Variants in MRTFB observed in about 807,000 individuals in gnomAD.
The protein encoded by MRTFB is myocardin related transcription factor B.
Under a neutral mutation model 104.2 loss-of-function variants are expected in MRTFB, and 29 were observed. That is an observed-to-expected ratio of 0.28 (90% CI 0.21 to 0.38). The LOEUF (loss-of-function observed/expected upper bound fraction) is 0.38, where lower values mean the gene tolerates loss of function less well. Among genes scored for constraint, MRTFB ranks in the 10% least tolerant of loss-of-function variants. MRTFB has a pLI of 1.00. For synonymous variants in MRTFB, 535 were observed against 519.5 expected, an observed-to-expected ratio of 1.03 and a Z score of -0.41; for missense variants, 1,270 against 1,341.6, an observed-to-expected ratio of 0.95 and a Z score of 0.83.
chr16:14,022,702 T>A, the MRTFB span, among the ~76,000 whole-genome samples: 1 of 151,986 alleles, frequency 6.6e-6, no homozygotes, highest in Non-Finnish European at 1.5e-5. Flanking sequence ...TAAAAAACAT[T>A]TCGTCAGTTC....
intron 2 of MRTFB, among the ~76,000 whole-genome samples, chr16:14,111,498 G>A (rs2036265731): frequency 6.6e-6 from 1 of 152,224 alleles, no homozygotes; most frequent in South Asian, 2.1e-4. Context: ...CAGAAACATT[G>A]AGAATCCAGT....
intron 3 of MRTFB, among the ~76,000 whole-genome samples, chr16:14,162,110 G>T (rs1486572490): frequency 1.5e-5 from 2 of 130,118 alleles, no homozygotes; most frequent in East Asian, 5.1e-4. Flanking sequence ...GAGCCCAGAA[G>T]TTCAAGACCA....
At chr16:14,060,748 A>G in the MRTFB span, among the ~76,000 whole-genome samples, 4 of 152,136 alleles carry the variant, frequency 2.6e-5, no homozygotes, top group Non-Finnish European at 5.9e-5. Flanking sequence ...GAAACACAGC[A>G]GAAATATGTT....
At chr16:14,230,348 C>T (rs1490590041) in intron 8 of MRTFB, among the ~76,000 whole-genome samples, 5 of 152,084 alleles carry the variant, frequency 3.3e-5, no homozygotes, top group Non-Finnish European at 7.4e-5. Context: ...AACAGGCAAC[C>T]TACAAAATGG....
At position 14,183,476 on chromosome 16, in the gene MRTFB, A is replaced by AT. The variant is rs554286956; in HGVS notation, c.155-26766dup. On this transcript the variant is annotated intron_variant, in intron 3 of 16. Transcript: ENST00000571589. ...CAATTGGTGGAACTTGAATGCAGAT[A>AT]TATCAATGTTAACTTGTTTCCTCTT... Among the ~76,000 whole-genome samples, 380 of 152,268 alleles carry AT rather than the reference A, an allele frequency of 2.5e-3. 1 individual carries two copies. Among genetic ancestry groups the AT allele is most frequent in the African/African-American group, 8.7e-3 (362 of 41,562 alleles).
the MRTFB span, among the ~76,000 whole-genome samples, chr16:14,016,421 C>A: frequency 7.2e-4 from 109 of 151,684 alleles, no homozygotes; most frequent in Non-Finnish European, 1.3e-3. Flanking sequence ...AGTAGATAAC[C>A]CTCCATCAGT....
chr16:14,170,619 A>C (rs1268624986), intron 3 of MRTFB: 1 of 152,320 alleles, frequency 6.6e-6, no homozygotes, highest in African/African-American at 2.4e-5. Flanking sequence ...GCTGGTGTGA[A>C]TACCATTGCA....
chr16:14,248,746 C>T (rs1022797100), intron 12 of MRTFB, 180 bp from the exon 13 acceptor site: 2 of 576,748 alleles, frequency 3.5e-6, no homozygotes, highest in Non-Finnish European at 3.0e-6. Context: ...CTGATGTTTC[C>T]CTCTCTGGTT....
At chr16:13,996,493 T>A in the MRTFB span, among the ~76,000 whole-genome samples, 5 of 152,186 alleles carry the variant, frequency 3.3e-5, no homozygotes, top group Non-Finnish European at 7.3e-5. Context: ...CTTTCTTCCA[T>A]TCATCCATTC....
the MRTFB span, among the ~76,000 whole-genome samples, chr16:14,037,587 G>A: frequency 2.6e-5 from 4 of 152,294 alleles, no homozygotes; most frequent in East Asian, 1.9e-4. Context: ...CACTGCCTCC[G>A]TATTGGGTGC....
the MRTFB span, among the ~76,000 whole-genome samples, chr16:14,012,224 C>T: frequency 2.2e-5 from 3 of 134,210 alleles, no homozygotes; most frequent in African/African-American, 6.4e-5. Flanking sequence ...TTTTCTTTTT[C>T]TTTTTTTTCT....
chr16:14,106,151 C>T (rs1231612652), intron 2 of MRTFB, among the ~76,000 whole-genome samples: 9 of 152,176 alleles, frequency 5.9e-5, no homozygotes, highest in Non-Finnish European at 1.5e-5. Flanking sequence ...AGGCAAGGTT[C>T]TCAACCCCAT....
the MRTFB span, among the ~76,000 whole-genome samples, chr16:14,062,061 A>C: frequency 6.6e-6 from 1 of 151,602 alleles, no homozygotes; most frequent in Non-Finnish European, 1.5e-5. Context: ...TGGTGATGTC[A>C]TCAAGGACCC....
chr16:14,159,467 T>G (rs72785408), intron 3 of MRTFB, among the ~76,000 whole-genome samples: 8,922 of 152,272 alleles, frequency 0.059, 521 homozygotes, highest in East Asian at 0.3. Flanking sequence ...TTATGGGAAT[T>G]TATATCATTT....
At chr16:14,175,505 AGAT>A (rs952382389) in intron 3 of MRTFB, among the ~76,000 whole-genome samples, 3 of 152,238 alleles carry the variant, frequency 2.0e-5, no homozygotes, top group African/African-American at 7.2e-5. Flanking sequence ...CATTATGGGC[AGAT>A]GATTGCAGTT....
chr16:14,054,382 A>G, the MRTFB span, among the ~76,000 whole-genome samples: 3 of 151,954 alleles, frequency 2.0e-5, no homozygotes, highest in Non-Finnish European at 2.9e-5. Context: ...ACGTCTGGCT[A>G]ATTTTTGTAA....
chr16:14,143,526 T>TA (rs1555489597), intron 3 of MRTFB: 3 of 149,418 alleles, frequency 2.0e-5, no homozygotes, highest in East Asian at 3.9e-4. Flanking sequence ...TTTTTTTTTT[T>TA]ATACTTTAAG....
chr16:14,027,156 T>C, the MRTFB span, among the ~76,000 whole-genome samples: 1 of 152,134 alleles, frequency 6.6e-6, no homozygotes, highest in Admixed American at 6.5e-5. Flanking sequence ...ACAACCCAAA[T>C]TTCCATCAAC....
intron 2 of MRTFB, among the ~76,000 whole-genome samples, chr16:14,108,144 G>T (rs549608347): frequency 3.9e-5 from 6 of 152,180 alleles, no homozygotes; most frequent in African/African-American, 1.2e-4. Context: ...GCTTCTGGGA[G>T]CCCTGGATCT....
Sources: allele counts gnomAD v4.1 joint callset (sites outside exome capture counted in the v4.1 genomes callset), GRCh38; gene constraint gnomAD v4.1.1; transcripts MANE v1.5; gene names NCBI Gene and HGNC (gene_info 2026-07-23, HGNC 2026-07-21).